Variants in FNDC3B observed in about 807,000 individuals in gnomAD.
The protein encoded by FNDC3B is fibronectin type III domain containing 3B.
A neutral mutation model predicts 151.5 loss-of-function variants in FNDC3B; 12 were observed. The ratio of observed to expected loss-of-function variants is 0.08; its 90% CI spans 0.05 to 0.13. FNDC3B has a LOEUF of 0.13. Ranked by LOEUF, FNDC3B falls within the 10% of genes least tolerant of loss-of-function variation. The pLI is 1.00. For missense variants in FNDC3B, 1,214 were observed against 1,505.3 expected, an observed-to-expected ratio of 0.81 and a Z score of 3.20; for synonymous variants, 528 against 549.0, an observed-to-expected ratio of 0.96 and a Z score of 0.54.
At chr3:172,395,042 A>G (rs1736206363) in intron 25 of FNDC3B, among the ~76,000 whole-genome samples, 1 of 152,162 alleles carries the variant, frequency 6.6e-6, no homozygotes, top group Non-Finnish European at 1.5e-5. Flanking sequence ...TGACAAGTTT[A>G]TTGCTGGGTT....
intron 1 of FNDC3B, among the ~76,000 whole-genome samples, chr3:172,080,142 T>C (rs1213976674): frequency 1.3e-5 from 2 of 152,260 alleles, no homozygotes; most frequent in African/African-American, 4.8e-5. Context: ...ATTAATTGCC[T>C]TGTATCCAGG....
chr3:172,399,659 A>C lies in FNDC3B; in HGVS notation c.*2184A>C, dbSNP rs939319539. On this transcript the variant is annotated 3_prime_UTR_variant, in exon 26 of 26. Coordinates refer to ENST00000415807, the MANE Select transcript of FNDC3B (RefSeq NM_022763.4). ...CTTATTTAAATGTGTGCTATGACCC[A>C]CTATGACCACAGCATCTGCATTTTC... The C allele has an allele frequency of 9.2e-6, 1 of 108,236 alleles. No homozygotes were observed. The highest frequency in any genetic ancestry group is 2.4e-5 in the Non-Finnish European group (1 of 41,108). The allele number at this position is 108,236 out of a possible 1,614,324, so 6.7% of individuals were successfully genotyped here.
intron 6 of FNDC3B, among the ~76,000 whole-genome samples, chr3:172,269,434 A>AT (rs1729080867): frequency 6.7e-6 from 1 of 148,284 alleles, no homozygotes; most frequent in Non-Finnish European, 1.5e-5. Context: ...AATTAAAAAA[A>AT]ATTTTTTTTT....
chr3:172,318,648 C>T (rs888299233), intron 11 of FNDC3B, among the ~76,000 whole-genome samples: 4 of 152,182 alleles, frequency 2.6e-5, no homozygotes, highest in Admixed American at 6.5e-5. Context: ...CTCCAGCTCT[C>T]TAAGGTGCCA....
chr3:172,155,986 A>G (rs1050464303), intron 3 of FNDC3B, among the ~76,000 whole-genome samples: 14 of 152,228 alleles, frequency 9.2e-5, no homozygotes, highest in Admixed American at 2.6e-4. Flanking sequence ...TATACTGGAA[A>G]AAGAAAAAAA....
chr3:172,073,010 T>C (rs966685778), intron 1 of FNDC3B, among the ~76,000 whole-genome samples: 2 of 152,104 alleles, frequency 1.3e-5, no homozygotes, highest in African/African-American at 4.8e-5. Flanking sequence ...GGCTCTGAAA[T>C]GGAAGCAAGC....
chr3:172,325,356 T>A (rs1286133141), intron 11 of FNDC3B, among the ~76,000 whole-genome samples: 1 of 152,220 alleles, frequency 6.6e-6, no homozygotes, highest in Non-Finnish European at 1.5e-5. Context: ...GCATATAAAA[T>A]ATGAAAGTTG....
Position 172,286,415 on chromosome 3 carries a change from T to C in FNDC3B, c.849+431T>C, listed in dbSNP as rs185983853. On this transcript the variant is annotated intron_variant, in intron 7 of 25. Transcript: ENST00000415807. ...AGCTGTGAAAAATAAGTCCAGAACA[T>C]TGGGTGCAATGGCAAGACAAAAAAA... 3.3e-5 allele frequency among the ~76,000 whole-genome samples: 5 copies of C among 152,224 alleles called. No individual in the cohort carries two copies. The East Asian group carries it at 9.6e-4, about 29-fold the overall frequency.
At chr3:172,123,095 G>A (rs1720632245) in intron 2 of FNDC3B, among the ~76,000 whole-genome samples, 1 of 152,214 alleles carries the variant, frequency 6.6e-6, no homozygotes, top group South Asian at 2.1e-4. Flanking sequence ...CTGTAGTACA[G>A]TGATACAGTC....
At chr3:172,127,603 G>A (rs1182337934) in intron 2 of FNDC3B, among the ~76,000 whole-genome samples, 1 of 152,202 alleles carries the variant, frequency 6.6e-6, no homozygotes, top group Non-Finnish European at 1.5e-5. Flanking sequence ...CCTGCATCAT[G>A]CCAAATTAAT....
chr3:172,049,115 A>G (rs545516771), intron 1 of FNDC3B, among the ~76,000 whole-genome samples: 5 of 152,320 alleles, frequency 3.3e-5, no homozygotes, highest in Admixed American at 2.6e-4. Context: ...TTTGTTATGT[A>G]TATTTTATGA....
At chr3:172,293,761 G>A (rs1730456442) in intron 7 of FNDC3B, among the ~76,000 whole-genome samples, 1 of 152,212 alleles carries the variant, frequency 6.6e-6, no homozygotes, top group African/African-American at 2.4e-5. Flanking sequence ...GGAATAAATA[G>A]TACGAAGTGA....
intron 2 of FNDC3B, among the ~76,000 whole-genome samples, chr3:172,132,060 A>C (rs1229737487): frequency 6.6e-6 from 1 of 152,226 alleles, no homozygotes; most frequent in African/African-American, 2.4e-5. Context: ...AAATTCTAGG[A>C]AGAAGTAGTA....
chr3:172,391,775 G>A (rs1367232211), intron 25 of FNDC3B, among the ~76,000 whole-genome samples: 1 of 152,170 alleles, frequency 6.6e-6, no homozygotes, highest in Admixed American at 6.5e-5. Flanking sequence ...AAGCCCAGAT[G>A]GCAAATGTGA....
At chr3:172,226,280 T>A (rs1022523641) in intron 3 of FNDC3B, among the ~76,000 whole-genome samples, 2 of 144,684 alleles carry the variant, frequency 1.4e-5, no homozygotes, top group Non-Finnish European at 3.0e-5. Context: ...ACTCCAGCCT[T>A]GGTGACAAGT....
intron 3 of FNDC3B, among the ~76,000 whole-genome samples, chr3:172,173,186 G>A (rs1000239067): frequency 1.3e-5 from 2 of 152,138 alleles, no homozygotes; most frequent in African/African-American, 4.8e-5. Flanking sequence ...TTTGCTCAGG[G>A]GTTAAAAGAC....
At chr3:172,132,940 T>G (rs1246490573) in intron 2 of FNDC3B, among the ~76,000 whole-genome samples, 5 of 152,230 alleles carry the variant, frequency 3.3e-5, no homozygotes, top group African/African-American at 1.2e-4. Flanking sequence ...GGCCTATTTA[T>G]AATATTTATT....
intron 1 of FNDC3B, among the ~76,000 whole-genome samples, chr3:172,081,857 G>A (rs1352415740): frequency 6.6e-6 from 1 of 152,118 alleles, no homozygotes. Context: ...GGTAGTTAAT[G>A]CTTACCTAAT....
intron 3 of FNDC3B, among the ~76,000 whole-genome samples, chr3:172,184,752 C>T (rs1724085306): frequency 1.3e-5 from 2 of 152,280 alleles, no homozygotes; most frequent in Admixed American, 6.5e-5. Context: ...ATTCAAGTAA[C>T]AGTTGTAAGG....
Sources: allele counts gnomAD v4.1 joint callset (sites outside exome capture counted in the v4.1 genomes callset), GRCh38; gene constraint gnomAD v4.1.1; transcripts MANE v1.5; gene names NCBI Gene and HGNC (gene_info 2026-07-23, HGNC 2026-07-21).